The following BNC2 variants were observed in gnomAD, a reference collection of about 807,000 sequenced individuals.
The protein encoded by BNC2 is basonuclin zinc finger protein 2, also known as zinc finger protein basonuclin-2.
BNC2 carries 20 observed loss-of-function variants against 76.3 expected under a neutral mutation model. The ratio of observed to expected loss-of-function variants is 0.26; its 90% confidence interval spans 0.18 to 0.38. The LOEUF (loss-of-function observed/expected upper bound fraction) is 0.38, where lower values mean the gene tolerates loss of function less well. Among genes scored for constraint, BNC2 ranks in the 10% least tolerant of loss-of-function variants. BNC2 has a pLI of 1.00. For missense variants in BNC2, 1,382 were observed against 1,399.8 expected (o/e 0.99, Z 0.20); for synonymous variants, 582 against 514.8 (o/e 1.13, Z -1.77).
Position 16,418,873 on chromosome 9 carries a change from G to GCACA in BNC2, c.*112_*115dup, listed in dbSNP as rs3223265. On this transcript the variant is annotated 3_prime_UTR_variant, in exon 7 of 7. Transcript: ENST00000380672. ...ATGTAGCCACAGAGCATACATAAAT[G>GCACA]CACACACACACACACACACACACAC... The GCACA allele has an allele frequency of 0.077, 67,699 of 874,872 alleles. 771 individuals carry two copies. The highest frequency in any genetic ancestry group is 0.12 in the Middle Eastern group (425 of 3,580). 54.2% of individuals were successfully genotyped at this position (874,872 alleles called of 1,614,324 possible).
intron 5 of BNC2, among the ~76,000 whole-genome samples, chr9:16,523,869 TGAA>T (rs936503426): frequency 6.6e-6 from 1 of 152,036 alleles, no homozygotes; most frequent in Non-Finnish European, 1.5e-5. Context: ...GAGATTGCAG[TGAA>T]CTGAGATCGT....
At chr9:16,832,885 C>T (rs933524006) in intron 1 of BNC2, among the ~76,000 whole-genome samples, 1 of 152,026 alleles carries the variant, frequency 6.6e-6, no homozygotes, top group Non-Finnish European at 1.5e-5. Context: ...ACCACCATAA[C>T]CAGCTAATTT....
intron 4 of BNC2, among the ~76,000 whole-genome samples, chr9:16,580,753 T>C (rs1819610403): frequency 6.6e-6 from 1 of 152,216 alleles, no homozygotes; most frequent in Admixed American, 6.5e-5. Flanking sequence ...TGAAACGCCT[T>C]TGTTCAACGA....
At position 16,414,860 on chromosome 9, in the gene BNC2, G is replaced by C. The variant is rs1009744599; in HGVS notation, c.*4129C>G. On this transcript the variant is annotated 3_prime_UTR_variant, in exon 7 of 7. Coordinates refer to ENST00000380672, the MANE Select transcript of BNC2 (RefSeq NM_017637.6). Reference sequence around the variant, plus strand: ...TCACATTGTATTTGGTGGGAACCTAGTGCATAGTTTCTCCTGAGGAGAAGC... The same window carrying C: ...TCACATTGTATTTGGTGGGAACCTACTGCATAGTTTCTCCTGAGGAGAAGC... 16 of 151,740 alleles carry C rather than the reference G, an allele frequency of 1.1e-4. No homozygotes were observed. The highest frequency in any genetic ancestry group is 2.9e-5 in the Non-Finnish European group (2 of 67,984). The allele number at this position is 151,740 out of a possible 1,614,324, so 9.4% of individuals were successfully genotyped here.
rs1401574339 is a variant in BNC2 at position 16,724,545 on chromosome 9, T to C, written c.330+3252A>G. On this transcript the variant is annotated intron_variant, in intron 3 of 6. Coordinates refer to ENST00000380672, the MANE Select transcript of BNC2 (RefSeq NM_017637.6). ...AATTTGAGAAAATCATACTTGAGTA[T>C]AGAAGAAAAAATGTACAGGCACAGG... 2.0e-5 allele frequency among the ~76,000 whole-genome samples: 3 copies of C among 152,182 alleles called. No homozygotes were observed. In the East Asian group the frequency reaches 5.8e-4, roughly 29 times the overall value.
intron 3 of BNC2, among the ~76,000 whole-genome samples, chr9:16,592,571 T>C (rs1335382177): frequency 6.6e-6 from 1 of 152,136 alleles, no homozygotes; most frequent in Non-Finnish European, 1.5e-5. Flanking sequence ...GAGTTTCTTT[T>C]TGAGGTGATA....
chr9:16,812,067 G>A (rs1047339572), intron 1 of BNC2, among the ~76,000 whole-genome samples: 7 of 152,318 alleles, frequency 4.6e-5, no homozygotes, highest in African/African-American at 1.7e-4. Flanking sequence ...CAGCTGCAGG[G>A]GAATGAAGCA....
rs936029815 is a variant in BNC2 at position 16,460,582 on chromosome 9, C to T, written c.670-23058G>A. The stretch of plus-strand genomic sequence containing the variant: ...AGGTGGCAGTGAACCGAGATCATGC[C>T]GCTGCACTCTAGCCTGTGTGACAGG... On this transcript the variant is annotated intron_variant, in intron 5 of 6. Coordinates refer to ENST00000380672, the MANE Select transcript of BNC2 (RefSeq NM_017637.6). Among the ~76,000 whole-genome samples, 49 of 152,168 alleles carry T rather than the reference C, an allele frequency of 3.2e-4. 1 individual carries two copies. In the Middle Eastern group the frequency reaches 0.024, roughly 74 times the overall value.
intron 3 of BNC2, among the ~76,000 whole-genome samples, chr9:16,712,316 T>C (rs996802284): frequency 7.2e-5 from 11 of 152,186 alleles, no homozygotes; most frequent in African/African-American, 2.7e-4. Flanking sequence ...GATGGTGACA[T>C]CCACTTTTAC....
At chr9:16,679,661 T>C (rs1408727814) in intron 3 of BNC2, among the ~76,000 whole-genome samples, 3 of 152,182 alleles carry the variant, frequency 2.0e-5, no homozygotes, top group Non-Finnish European at 2.9e-5. Flanking sequence ...TGAAGGACGT[T>C]CCCTAGATGC....
chr9:16,759,639 A>C (rs1238290757), intron 1 of BNC2, among the ~76,000 whole-genome samples: 1 of 152,180 alleles, frequency 6.6e-6, no homozygotes, highest in African/African-American at 2.4e-5. Context: ...ATCTATTTTA[A>C]ATCTGTGAAG....
At chr9:16,565,306 T>G (rs1223654736) in intron 4 of BNC2, among the ~76,000 whole-genome samples, 1 of 152,202 alleles carries the variant, frequency 6.6e-6, no homozygotes, top group Non-Finnish European at 1.5e-5. Flanking sequence ...CAGATTGATT[T>G]ACTTTCCAGT....
At chr9:16,762,152 G>A (rs558239118) in intron 1 of BNC2, among the ~76,000 whole-genome samples, 4 of 152,224 alleles carry the variant, frequency 2.6e-5, no homozygotes, top group South Asian at 2.1e-4. Context: ...GAAGGTGAGC[G>A]TTGATCCTCT....
chr9:16,776,627 G>A (rs1165204902), intron 1 of BNC2, among the ~76,000 whole-genome samples: 1 of 152,142 alleles, frequency 6.6e-6, no homozygotes, highest in African/African-American at 2.4e-5. Context: ...AATTTTAATT[G>A]TAATGCATAA....
At chr9:16,659,229 G>A (rs1822025542) in intron 3 of BNC2, among the ~76,000 whole-genome samples, 1 of 152,084 alleles carries the variant, frequency 6.6e-6, no homozygotes, top group African/African-American at 2.4e-5. Context: ...AAATTCTATT[G>A]TACCGCCATG....
chr9:16,628,572 A>G (rs1821066688), intron 3 of BNC2, among the ~76,000 whole-genome samples: 1 of 152,176 alleles, frequency 6.6e-6, no homozygotes, highest in Non-Finnish European at 1.5e-5. Context: ...GGAACGGCAC[A>G]GGATCCAGCT....
At chr9:16,800,016 G>A (rs542630947) in intron 1 of BNC2, among the ~76,000 whole-genome samples, 254 of 152,156 alleles carry the variant, frequency 1.7e-3, no homozygotes, top group African/African-American at 5.8e-3. Context: ...CCTGAGATCA[G>A]GAGTTCGAGA....
chr9:16,625,496 G>C (rs1178868104), intron 3 of BNC2, among the ~76,000 whole-genome samples: 2 of 152,140 alleles, frequency 1.3e-5, no homozygotes, highest in African/African-American at 4.8e-5. Flanking sequence ...CTGAGATAAA[G>C]GAAAAGAGAA....
Position 16,429,922 on chromosome 9 carries a change from G to A in BNC2, c.2639+5633C>T, listed in dbSNP as rs114187113. On this transcript the variant is annotated intron_variant, in intron 6 of 6. Coordinates refer to ENST00000380672, the MANE Select transcript of BNC2 (RefSeq NM_017637.6). ...CAGCAGGAGGTCATTAGGAAGATCCGAGGCTCACTTTAGGCTTGACAGAGT... is the reference window on the plus strand; with the variant it reads ...CAGCAGGAGGTCATTAGGAAGATCCAAGGCTCACTTTAGGCTTGACAGAGT... 1.1e-3 allele frequency: 548 copies of A among 513,346 alleles called. 1 individual carries two copies. The highest frequency in any genetic ancestry group is 8.1e-3 in the African/African-American group (419 of 51,976). The allele number at this position is 513,346 out of a possible 1,614,324, so 31.8% of individuals were successfully genotyped here.
Sources: allele counts gnomAD v4.1 joint callset (sites outside exome capture counted in the v4.1 genomes callset), GRCh38; gene constraint gnomAD v4.1.1; transcripts MANE v1.5; gene names NCBI Gene and HGNC (gene_info 2026-07-23, HGNC 2026-07-21).